The following SLC24A2 variants were observed in gnomAD, a reference collection of about 807,000 sequenced individuals.
SLC24A2 encodes the protein solute carrier family 24 member 2.
Under a neutral mutation model 62.0 loss-of-function variants are expected in SLC24A2, and 36 were observed. The ratio of observed to expected loss-of-function variants is 0.58; its 90% confidence interval spans 0.44 to 0.77. SLC24A2 has a LOEUF of 0.77. Among genes scored for constraint, SLC24A2 ranks in the 30% least tolerant of loss-of-function variants. The pLI is 0.00. For synonymous variants in SLC24A2, 358 were observed against 294.0 expected (o/e 1.22, Z -2.23); for missense variants, 846 against 817.9 (o/e 1.03, Z -0.42).
At chr9:19,828,363 C>T in the SLC24A2 span, among the ~76,000 whole-genome samples, 11 of 152,090 alleles carry the variant, frequency 7.2e-5, no homozygotes, top group East Asian at 3.9e-4. Flanking sequence ...GATGGTTACA[C>T]ATTGTGTGCC....
the SLC24A2 span, among the ~76,000 whole-genome samples, chr9:20,098,175 C>T: frequency 3.3e-5 from 5 of 152,144 alleles, no homozygotes; most frequent in Non-Finnish European, 7.4e-5. Context: ...ATCAAAGGAA[C>T]AGATATGACT....
At chr9:20,076,684 G>A in the SLC24A2 span, among the ~76,000 whole-genome samples, 1 of 151,936 alleles carries the variant, frequency 6.6e-6, no homozygotes, top group African/African-American at 2.4e-5. Context: ...AGAGCTAAAG[G>A]GAAGAACAAG....
the SLC24A2 span, among the ~76,000 whole-genome samples, chr9:20,258,843 ATCT>A: frequency 1.0e-5 from 1 of 96,568 alleles, no homozygotes; most frequent in East Asian, 3.9e-4. Context: ...CTGTCTATCT[ATCT>A]ATCTATCTAA....
the SLC24A2 span, among the ~76,000 whole-genome samples, chr9:20,165,494 C>G: frequency 6.6e-6 from 1 of 151,744 alleles, no homozygotes; most frequent in African/African-American, 2.4e-5. Flanking sequence ...ACAGAGCACT[C>G]TAATGTGGAT....
chr9:20,237,250 C>T, the SLC24A2 span, among the ~76,000 whole-genome samples: 1 of 152,168 alleles, frequency 6.6e-6, no homozygotes, highest in Admixed American at 6.5e-5. Context: ...TAATAAGCAT[C>T]ATCCTTGATA....
chr9:19,742,427 T>G (rs1049709949), intron 2 of SLC24A2, among the ~76,000 whole-genome samples: 1 of 152,170 alleles, frequency 6.6e-6, no homozygotes, highest in Admixed American at 6.6e-5. Context: ...AGACCCTCAA[T>G]AGTAGATACA....
chr9:20,164,659 A>T, the SLC24A2 span, among the ~76,000 whole-genome samples: 16 of 151,804 alleles, frequency 1.1e-4, no homozygotes, highest in Middle Eastern at 3.2e-3. Flanking sequence ...ACTATAAATC[A>T]TGCTGCTATA....
chr9:19,722,257 A>G (rs1262800649), intron 2 of SLC24A2, among the ~76,000 whole-genome samples: 2 of 152,150 alleles, frequency 1.3e-5, no homozygotes, highest in African/African-American at 4.8e-5. Context: ...TACCATCTTC[A>G]AGAGTGTTCT....
intron 2 of SLC24A2, among the ~76,000 whole-genome samples, chr9:19,706,466 G>C (rs923598894): frequency 4.0e-5 from 6 of 148,314 alleles, no homozygotes; most frequent in Middle Eastern, 3.2e-3. Context: ...TGCAAGCTCC[G>C]CCTCCCGGGT....
the SLC24A2 span, among the ~76,000 whole-genome samples, chr9:20,201,458 G>A: frequency 6.6e-6 from 1 of 152,154 alleles, no homozygotes; most frequent in African/African-American, 2.4e-5. Flanking sequence ...GAGACCAAGA[G>A]GGGATAGAAG....
the SLC24A2 span, among the ~76,000 whole-genome samples, chr9:19,939,609 G>A: frequency 3.3e-5 from 5 of 152,034 alleles, no homozygotes; most frequent in African/African-American, 9.7e-5. Context: ...TGTAAACAAC[G>A]GTAGACTTTA....
the SLC24A2 span, among the ~76,000 whole-genome samples, chr9:20,291,338 G>C: frequency 2.6e-5 from 4 of 152,250 alleles, no homozygotes; most frequent in African/African-American, 9.6e-5. Flanking sequence ...GATGGCATTT[G>C]AAATGAAAAG....
chr9:19,844,847 G>A, the SLC24A2 span, among the ~76,000 whole-genome samples: 3 of 151,876 alleles, frequency 2.0e-5, no homozygotes, highest in African/African-American at 7.3e-5. Flanking sequence ...TTTATTTCTG[G>A]GTTCTCTTTT....
chr9:20,219,053 C>G, the SLC24A2 span, among the ~76,000 whole-genome samples: 5 of 152,150 alleles, frequency 3.3e-5, no homozygotes, highest in African/African-American at 1.2e-4. Context: ...TGATCTCTGT[C>G]ATTGTATGTG....
chr9:19,832,058 A>T, the SLC24A2 span, among the ~76,000 whole-genome samples: 4 of 152,208 alleles, frequency 2.6e-5, no homozygotes, highest in Non-Finnish European at 5.9e-5. Context: ...TTTAGATCAC[A>T]TCTTTGCCTG....
intron 10 of SLC24A2, among the ~76,000 whole-genome samples, chr9:19,518,042 C>G (rs554463321): frequency 2.0e-5 from 3 of 151,100 alleles, no homozygotes; most frequent in East Asian, 3.9e-4. Flanking sequence ...ACTTTTCATG[C>G]CTTTTGGTCT....
chr9:19,970,344 A>T, the SLC24A2 span, among the ~76,000 whole-genome samples: 30 of 152,198 alleles, frequency 2.0e-4, no homozygotes, highest in African/African-American at 7.0e-4. Flanking sequence ...ACCAAGTTTT[A>T]TGTAAATTAA....
At chr9:20,187,463 C>T in the SLC24A2 span, among the ~76,000 whole-genome samples, 11 of 152,168 alleles carry the variant, frequency 7.2e-5, no homozygotes, top group Non-Finnish European at 1.3e-4. Flanking sequence ...TGAATGATCA[C>T]GCTCACTTTG....
chr9:19,744,897 C>T, intron 2 of SLC24A2, among the ~76,000 whole-genome samples: 1 of 152,142 alleles, frequency 6.6e-6, no homozygotes, highest in East Asian at 1.9e-4. Context: ...TATCCAACTT[C>T]AATATGTTTC....
Sources: gnomAD v4.1 joint callset for allele counts (sites outside exome capture counted in the v4.1 genomes callset) on GRCh38, gnomAD v4.1.1 for gene constraint, MANE v1.5 for transcripts, NCBI Gene and HGNC (gene_info 2026-07-23, HGNC 2026-07-21) for gene names.